The following DTNB variants were observed in gnomAD, a reference collection of about 807,000 sequenced individuals.
DTNB encodes the protein DTN-B.
A neutral mutation model predicts 90.7 loss-of-function variants in DTNB; 63 were observed. The ratio of observed to expected loss-of-function variants is 0.69; its 90% CI spans 0.57 to 0.86. The LOEUF (loss-of-function observed/expected upper bound fraction) is 0.86. Ranked by LOEUF, DTNB falls within the 40% of genes least tolerant of loss-of-function variation. The pLI is 0.00. For missense variants in DTNB, 744 were observed against 807.1 expected (o/e 0.92, Z 0.95); for synonymous variants, 277 against 286.7 (o/e 0.97, Z 0.34).
At chr2:25,526,387 ATATATATAT>A (rs1460999010) in intron 9 of DTNB, among the ~76,000 whole-genome samples, 7 of 55,456 alleles carry the variant, frequency 1.3e-4, no homozygotes, top group East Asian at 7.2e-4. Flanking sequence ...ATATATATAT[ATATATATAT>A]TTTTTTTTTT....
chr2:25,421,032 T>TA (rs1490320320), intron 15 of DTNB: 2 of 152,236 alleles, frequency 1.3e-5, no homozygotes, highest in Non-Finnish European at 2.9e-5. Flanking sequence ...TTTGGCCTAG[T>TA]ATGTAAATCT....
intron 2 of DTNB, among the ~76,000 whole-genome samples, chr2:25,645,840 T>C (rs1263464426): frequency 1.3e-5 from 2 of 152,176 alleles, no homozygotes. Context: ...CAAATATTGA[T>C]AAGCTATATT....
intron 9 of DTNB, among the ~76,000 whole-genome samples, chr2:25,502,881 A>T (rs1480139981): frequency 1.6e-5 from 1 of 61,312 alleles, no homozygotes; most frequent in Non-Finnish European, 2.7e-5. Flanking sequence ...GCAACTGTCT[A>T]AAAAAAAAAA....
Position 25,609,806 on chromosome 2 carries a change from A to G in DTNB, c.363-2485T>C, listed in dbSNP as rs573593373. Among the ~76,000 whole-genome samples, 5 of 152,136 alleles carry G rather than the reference A, an allele frequency of 3.3e-5. No individual in the cohort carries two copies. In the South Asian group the frequency reaches 1.0e-3, roughly 32 times the overall value. On this transcript the variant is annotated intron_variant, in intron 4 of 20. Coordinates refer to ENST00000406818, the MANE Select transcript of DTNB (RefSeq NM_021907.5). ...ACTGGTAATTCTTAGGAGTTCCCCA[A>G]GTGATTCAAAACAGCCAGAATTGAG...
At chr2:25,639,823 G>A (rs757259475) in intron 2 of DTNB, among the ~76,000 whole-genome samples, 2 of 152,186 alleles carry the variant, frequency 1.3e-5, no homozygotes, top group South Asian at 2.1e-4. Flanking sequence ...TTGCTCTTCC[G>A]GGATGCTTGT....
At position 25,664,405 on chromosome 2, in the gene DTNB, GGTAATA is replaced by G. The variant is rs534290218; in HGVS notation, c.-2+8975_-2+8980del. On this transcript the variant is annotated intron_variant, in intron 1 of 20. Transcript: ENST00000406818. Reference sequence around the variant, plus strand: ...AGCAAAGTTCATTTTATTCAAATCAGGTAATATGATCTGAAAGACCACTAAACCCAG... The same window carrying G: ...AGCAAAGTTCATTTTATTCAAATCAGTGATCTGAAAGACCACTAAACCCAG... Among the ~76,000 whole-genome samples, 971 of 152,242 alleles carry G rather than the reference GGTAATA, an allele frequency of 6.4e-3. 8 individuals carry two copies. Among genetic ancestry groups the G allele is most frequent in the African/African-American group, 0.022 (918 of 41,532 alleles).
At chr2:25,450,433 T>C (rs1224909606) in intron 12 of DTNB, among the ~76,000 whole-genome samples, 1 of 152,226 alleles carries the variant, frequency 6.6e-6, no homozygotes, top group East Asian at 1.9e-4. Flanking sequence ...AGTATCTTAC[T>C]TTCTTGATTA....
In DTNB at chr2:25,651,121, A is replaced by G. The variant is rs139068642; in HGVS notation, c.67+1473T>C. On this transcript the variant is annotated intron_variant, in intron 2 of 20. Coordinates refer to ENST00000406818, the MANE Select transcript of DTNB (RefSeq NM_021907.5). Reference sequence around the variant, plus strand: ...TACCAGTGATTAAAAAAAATTAGTAATAAACACAACCATCCATATTAAGTA... The same window carrying G: ...TACCAGTGATTAAAAAAAATTAGTAGTAAACACAACCATCCATATTAAGTA... Among the ~76,000 whole-genome samples the G allele has an allele frequency of 2.2e-3, 332 of 152,346 alleles. 3 individuals are homozygous for G. The highest frequency in any genetic ancestry group is 8.4e-4 in the Non-Finnish European group (57 of 68,034).
At chr2:25,668,563 G>C (rs2085059158) in intron 1 of DTNB, among the ~76,000 whole-genome samples, 1 of 152,142 alleles carries the variant, frequency 6.6e-6, no homozygotes, top group Non-Finnish European at 1.5e-5. Flanking sequence ...TCTAAATCAT[G>C]AACTTTAACA....
chr2:25,634,113 G>T (rs903058574), intron 3 of DTNB, among the ~76,000 whole-genome samples: 1 of 150,542 alleles, frequency 6.6e-6, no homozygotes, highest in Non-Finnish European at 1.5e-5. Flanking sequence ...GGAGGTGGGC[G>T]AGTCAGCCCC....
intron 10 of DTNB, among the ~76,000 whole-genome samples, chr2:25,474,118 G>A (rs180719289): frequency 9.7e-4 from 148 of 152,310 alleles, no homozygotes; most frequent in African/African-American, 3.4e-3. Flanking sequence ...TAGAACTGGT[G>A]AAAGGCTTAC....
intron 19 of DTNB, among the ~76,000 whole-genome samples, chr2:25,382,597 T>C (rs531675106): frequency 8.2e-5 from 12 of 146,136 alleles, no homozygotes; most frequent in Non-Finnish European, 1.6e-4. Context: ...TGCGTGATCT[T>C]GGCTCACTGC....
chr2:25,421,394 A>G (rs888075665), intron 15 of DTNB, among the ~76,000 whole-genome samples: 1 of 152,154 alleles, frequency 6.6e-6, no homozygotes, highest in Non-Finnish European at 1.5e-5. Flanking sequence ...AACTCACAGG[A>G]GCCTAGGCAC....
chr2:25,581,875 C>T (rs1156264820), intron 6 of DTNB, among the ~76,000 whole-genome samples: 2 of 152,162 alleles, frequency 1.3e-5, no homozygotes, highest in Non-Finnish European at 2.9e-5. Context: ...GACAACAGGG[C>T]ACACACTCAG....
At chr2:25,668,599 A>G (rs1281126824) in intron 1 of DTNB, among the ~76,000 whole-genome samples, 1 of 152,272 alleles carries the variant, frequency 6.6e-6, no homozygotes, top group Non-Finnish European at 1.5e-5. Context: ...TAGTTTATCA[A>G]TTATAATAAA....
At chr2:25,630,511 A>G (rs1412335328) in intron 3 of DTNB, among the ~76,000 whole-genome samples, 1 of 152,224 alleles carries the variant, frequency 6.6e-6, no homozygotes, top group East Asian at 1.9e-4. Context: ...AAAATGTGGC[A>G]TATGCATATA....
At chr2:25,543,705 T>C (rs1021599474) in intron 8 of DTNB, among the ~76,000 whole-genome samples, 2 of 152,228 alleles carry the variant, frequency 1.3e-5, no homozygotes, top group Admixed American at 6.5e-5. Context: ...TTATGGCTTA[T>C]TATGTCATTA....
chr2:25,395,699 C>T (rs1558334573), intron 16 of DTNB, among the ~76,000 whole-genome samples: 1 of 151,940 alleles, frequency 6.6e-6, no homozygotes, highest in Non-Finnish European at 1.5e-5. Flanking sequence ...ATCATTGCAA[C>T]TGATTTGTAG....
Position 25,540,473 on chromosome 2 carries a change from TTTA to T in DTNB, c.877-8879_877-8877del, listed in dbSNP as rs894658531. On this transcript the variant is annotated intron_variant, in intron 8 of 20. Coordinates refer to ENST00000406818, the MANE Select transcript of DTNB (RefSeq NM_021907.5). The stretch of plus-strand genomic sequence containing the variant: ...GCATAAAATTCACCATCGCAATCAT[TTTA>T]TTATTATTATTATTATTTTAGAGAC... Among the ~76,000 whole-genome samples, 11 of 151,906 alleles carry T rather than the reference TTTA, an allele frequency of 7.2e-5. 1 individual carries two copies. The South Asian group carries it at 1.2e-3, about 17-fold the overall frequency.
Sources: allele counts gnomAD v4.1 joint callset (sites outside exome capture counted in the v4.1 genomes callset), GRCh38; gene constraint gnomAD v4.1.1; transcripts MANE v1.5; gene names NCBI Gene and HGNC (gene_info 2026-07-23, HGNC 2026-07-21).